The following PTPRD variants were observed in gnomAD, a reference collection of about 807,000 sequenced individuals.
PTPRD encodes the protein receptor-type tyrosine-protein phosphatase delta.
PTPRD carries 34 observed loss-of-function variants against 214.5 expected under a neutral mutation model. That is an observed-to-expected ratio of 0.16 (90% CI 0.12 to 0.21). PTPRD has a LOEUF of 0.21. PTPRD is among the 10% of genes least tolerant of loss of function. The pLI, the probability that PTPRD is intolerant of heterozygous loss-of-function variation, is 1.00. For missense variants in PTPRD, 2,545 were observed against 2,398.7 expected (o/e 1.06, Z -1.27); for synonymous variants, 1,128 against 845.7 (o/e 1.33, Z -5.79).
At chr9:10,505,679 CA>C in intron 2 of PTPRD, among the ~76,000 whole-genome samples, 1 of 133,740 alleles carries the variant, frequency 7.5e-6, no homozygotes, top group Admixed American at 8.3e-5. Flanking sequence ...ACAGCAACAA[CA>C]AAAAGTTAAA....
Position 9,154,255 on chromosome 9 carries a change from T to C in PTPRD, c.-143+29049A>G, listed in dbSNP as rs1228043099. Among the ~76,000 whole-genome samples the C allele has an allele frequency of 2.6e-5, 4 of 152,214 alleles. No homozygotes were observed. The East Asian group carries it at 5.8e-4, about 22-fold the overall frequency. Reference sequence around the variant, plus strand: ...TTTATAGTAATAAGCTGAGATTCTGTGGTTGTTTGTTACCGTCTTAGTCTG... The same window carrying C: ...TTTATAGTAATAAGCTGAGATTCTGCGGTTGTTTGTTACCGTCTTAGTCTG... On this transcript the variant is annotated intron_variant, in intron 10 of 45. Coordinates refer to ENST00000381196, the MANE Select transcript of PTPRD (RefSeq NM_002839.4).
rs891703937 is a variant in PTPRD at position 8,745,638 on chromosome 9, G to A, written c.-103-11692C>T. Among the ~76,000 whole-genome samples the A allele has an allele frequency of 4.6e-5, 7 of 152,260 alleles. No individual in the cohort carries two copies. The South Asian group carries it at 1.2e-3, about 27-fold the overall frequency. On this transcript the variant is annotated intron_variant, in intron 11 of 45. Transcript: ENST00000381196. Reference sequence around the variant, plus strand: ...TATCTTAGAGTAAAAGTTTATAGACGTGCTTGGAAGGAAAAATGATTAACC... The same window carrying A: ...TATCTTAGAGTAAAAGTTTATAGACATGCTTGGAAGGAAAAATGATTAACC...
chr9:9,860,479 C>T (rs1471804673), intron 5 of PTPRD, among the ~76,000 whole-genome samples: 1 of 152,170 alleles, frequency 6.6e-6, no homozygotes, highest in Non-Finnish European at 1.5e-5. Flanking sequence ...CATGTGTTTA[C>T]AAGAAGATAA....
intron 8 of PTPRD, among the ~76,000 whole-genome samples, chr9:9,521,854 C>T (rs1205799152): frequency 6.6e-6 from 1 of 151,784 alleles, no homozygotes; most frequent in Non-Finnish European, 1.5e-5. Flanking sequence ...ATAAATACTA[C>T]AGAAAAAAAA....
intron 39 of PTPRD, among the ~76,000 whole-genome samples, chr9:8,344,469 A>T (rs181655810): frequency 6.6e-6 from 1 of 151,946 alleles, no homozygotes; most frequent in Non-Finnish European, 1.5e-5. Context: ...TTTTCCAAAA[A>T]ATAAGGGAAA....
At position 8,673,124 on chromosome 9, in the gene PTPRD, G is replaced by C. The variant is rs150789198; in HGVS notation, c.65-36280C>G. ...AGATATTTCAAGCTAATTTGTATTA[G>C]CTGATTTTTTTTTTTCTCTGAGAAT... On this transcript the variant is annotated intron_variant, in intron 12 of 45. Coordinates refer to ENST00000381196, the MANE Select transcript of PTPRD (RefSeq NM_002839.4). Among the ~76,000 whole-genome samples the C allele has an allele frequency of 4.6e-4, 70 of 151,696 alleles. 1 individual carries two copies. In the East Asian group the frequency reaches 0.013, roughly 28 times the overall value.
intron 8 of PTPRD, among the ~76,000 whole-genome samples, chr9:9,471,462 A>G (rs967097215): frequency 3.3e-5 from 5 of 152,182 alleles, no homozygotes; most frequent in Admixed American, 1.3e-4. Context: ...TTGACATTTT[A>G]CCAAAATCAA....
chr9:9,769,502 T>G (rs2098734722), intron 5 of PTPRD, among the ~76,000 whole-genome samples: 1 of 151,640 alleles, frequency 6.6e-6, no homozygotes, highest in African/African-American at 2.4e-5. Flanking sequence ...ATTTTTTGTA[T>G]TTTTTAGTAG....
intron 11 of PTPRD, among the ~76,000 whole-genome samples, chr9:8,920,746 A>C (rs925545569): frequency 4.6e-5 from 7 of 152,204 alleles, no homozygotes; most frequent in Non-Finnish European, 5.9e-5. Context: ...ATAAGACAGA[A>C]TACTAAAACA....
At chr9:9,077,597 T>G (rs1318107919) in intron 10 of PTPRD, among the ~76,000 whole-genome samples, 2 of 152,066 alleles carry the variant, frequency 1.3e-5, no homozygotes, top group African/African-American at 4.8e-5. Flanking sequence ...TTTCTAAAAC[T>G]AATAGCGGAG....
intron 8 of PTPRD, among the ~76,000 whole-genome samples, chr9:9,461,288 A>G (rs1158928057): frequency 6.6e-6 from 1 of 152,084 alleles, no homozygotes; most frequent in Non-Finnish European, 1.5e-5. Flanking sequence ...CAATATACCC[A>G]TGTAACATAC....
chr9:8,554,042 G>C (rs1013608660), intron 14 of PTPRD, among the ~76,000 whole-genome samples: 1 of 152,082 alleles, frequency 6.6e-6, no homozygotes, highest in African/African-American at 2.4e-5. Context: ...CAAAAAATTA[G>C]CCGGGCGTGG....
intron 2 of PTPRD, among the ~76,000 whole-genome samples, chr9:10,461,065 A>G: frequency 6.6e-6 from 1 of 152,110 alleles, no homozygotes; most frequent in African/African-American, 2.4e-5. Context: ...ATATAACCTG[A>G]TTAAAAACTG....
chr9:9,989,263 G>A (rs1246690994), intron 4 of PTPRD, among the ~76,000 whole-genome samples: 1 of 152,120 alleles, frequency 6.6e-6, no homozygotes, highest in African/African-American at 2.4e-5. Context: ...TGGACCCACG[G>A]CCTTAAATGA....
At position 9,229,831 on chromosome 9, in the gene PTPRD, A is replaced by C. The variant is rs554864034; in HGVS notation, c.-202-46468T>G. ...ATGAGAAAACAAATTTATCATTGTG[A>C]ACACTGATACTTCATATTTGGTTAG... On this transcript the variant is annotated intron_variant, in intron 9 of 45. Transcript: ENST00000381196. 2.3e-4 allele frequency among the ~76,000 whole-genome samples: 35 copies of C among 152,192 alleles called. No individual in the cohort carries two copies. In the South Asian group the frequency reaches 6.9e-3, roughly 30 times the overall value.
intron 3 of PTPRD, among the ~76,000 whole-genome samples, chr9:10,283,911 G>C (rs1455435481): frequency 6.6e-6 from 1 of 152,304 alleles, no homozygotes; most frequent in Middle Eastern, 3.4e-3. Flanking sequence ...TGCACCATGA[G>C]GAAATTGGGT....
intron 11 of PTPRD, among the ~76,000 whole-genome samples, chr9:8,967,176 G>A (rs10977411): frequency 0.18 from 27,636 of 151,828 alleles, 2,793 homozygotes; most frequent in African/African-American, 0.25. Context: ...TGGAAAAAAG[G>A]GAATGCTTAT....
chr9:8,819,657 G>C (rs1216705657), intron 11 of PTPRD, among the ~76,000 whole-genome samples: 3 of 151,518 alleles, frequency 2.0e-5, no homozygotes, highest in Non-Finnish European at 4.4e-5. Context: ...CAAGACTCTG[G>C]ATCAAAAAAA....
intron 7 of PTPRD, among the ~76,000 whole-genome samples, chr9:9,687,664 CATG>C (rs1471410201): frequency 1.3e-5 from 2 of 151,490 alleles, no homozygotes; most frequent in East Asian, 1.9e-4. Flanking sequence ...CAATCTTTAA[CATG>C]ATATTAAAAT....
Sources: allele counts gnomAD v4.1 joint callset (sites outside exome capture counted in the v4.1 genomes callset), GRCh38; gene constraint gnomAD v4.1.1; transcripts MANE v1.5; gene names NCBI Gene and HGNC (gene_info 2026-07-23, HGNC 2026-07-21).